MAK: variants seen among roughly 807,000 people sequenced by gnomAD.
MAK encodes male germ cell associated kinase.
A neutral mutation model predicts 82.6 loss-of-function variants in MAK; 65 were observed. The observed-to-expected ratio is 0.79, with a 90% CI of 0.64 to 0.97. MAK has a LOEUF of 0.97. Among genes scored for constraint, MAK ranks in the 50% least tolerant of loss-of-function variants. MAK has a pLI of 0.00. For missense variants in MAK, 703 were observed against 780.2 expected (o/e 0.90, Z 1.18); for synonymous variants, 250 against 274.2 (o/e 0.91, Z 0.87).
chr6:10,773,130 A>G, intron 12 of MAK, 22 bp from the exon 13 acceptor site: 1 of 1,278,288 alleles, frequency 7.8e-7, no homozygotes, highest in Non-Finnish European at 1.1e-6. Context: ...ACAGATGGAA[A>G]GAAAGAATAA....
At position 10,832,236 on chromosome 6, in the gene MAK, C is replaced by T. The variant is rs114399585; in HGVS notation, c.-229-1359G>A. On this transcript the variant is annotated intron_variant, in intron 1 of 14. Transcript: ENST00000354489. Reference sequence around the variant, plus strand: ...CCTGGCCTCAGCGATCCGCCCGCCTCGGCGGGATTACAGGCATGAACCAGT... The same window carrying T: ...CCTGGCCTCAGCGATCCGCCCGCCTTGGCGGGATTACAGGCATGAACCAGT... Among the ~76,000 whole-genome samples, 1,481 of 152,282 alleles carry T rather than the reference C, an allele frequency of 9.7e-3. 26 individuals are homozygous for T. The highest frequency in any genetic ancestry group is 0.034 in the African/African-American group (1,404 of 41,570).
At chr6:10,809,584 T>G (rs1289186797) in intron 5 of MAK, among the ~76,000 whole-genome samples, 1 of 152,210 alleles carries the variant, frequency 6.6e-6, no homozygotes, top group Non-Finnish European at 1.5e-5. Flanking sequence ...TGCAGCTGAC[T>G]TCTTGAGAAA....
intron 8 of MAK, among the ~76,000 whole-genome samples, chr6:10,801,110 C>G (rs1485832995): frequency 6.6e-6 from 1 of 152,110 alleles, no homozygotes; most frequent in African/African-American, 2.4e-5. Context: ...GGCAAGCTGT[C>G]CATCCCTATC....
In MAK at chr6:10,793,230, G is replaced by A. The variant is rs139958181; in HGVS notation, c.1144-1383C>T. On this transcript the variant is annotated intron_variant, in intron 9 of 14. Coordinates refer to ENST00000354489, the MANE Select transcript of MAK (RefSeq NM_001242957.3). This position sits in a 1 kb window ranked among gnomAD's most constrained non-coding sequence, Gnocchi z 4.6. Reference sequence around the variant, plus strand: ...AAAAGGCAAACAATGAATTCATTCAGTGTAGTGTATGTGGACTTCAGCCCA... The same window carrying A: ...AAAAGGCAAACAATGAATTCATTCAATGTAGTGTATGTGGACTTCAGCCCA... Among the ~76,000 whole-genome samples the A allele has an allele frequency of 2.6e-4, 39 of 152,306 alleles. No individual in the cohort carries two copies. The highest frequency in any genetic ancestry group is 7.0e-4 in the African/African-American group (29 of 41,562).
chr6:10,783,828 G>A lies in MAK; in HGVS notation c.1465+596C>T, dbSNP rs529279018. Among the ~76,000 whole-genome samples the A allele has an allele frequency of 5.3e-3, 807 of 152,236 alleles. 8 individuals are homozygous for A. The highest frequency in any genetic ancestry group is 0.017 in the African/African-American group (726 of 41,526). ...AAGGTCAGGAGATCGAGACCATCCC[G>A]GCTAACACGGTGAAACACCATCTCT... On this transcript the variant is annotated intron_variant, in intron 11 of 14. Transcript: ENST00000354489.
At chr6:10,806,788 G>A (rs1581721837) in intron 6 of MAK, among the ~76,000 whole-genome samples, 7 of 151,906 alleles carry the variant, frequency 4.6e-5, no homozygotes, top group African/African-American at 2.4e-5. Flanking sequence ...CACCACGCCC[G>A]GCCTGACCTT....
chr6:10,813,114 A>T (rs1479376230), intron 5 of MAK, among the ~76,000 whole-genome samples: 636 of 6,092 alleles, frequency 0.1, 144 homozygotes, highest in Non-Finnish European at 0.31. Context: ...ATATATATAT[A>T]TATATATATA....
chr6:10,810,115 A>G (rs1333300272), intron 5 of MAK, among the ~76,000 whole-genome samples: 19 of 30,508 alleles, frequency 6.2e-4, no homozygotes, highest in East Asian at 2.1e-3. Flanking sequence ...AAAAAAAAAA[A>G]GAAAGAAAAG....
intron 2 of MAK, 53 bp from the exon 3 acceptor site, chr6:10,818,993 C>T: frequency 2.1e-6 from 2 of 964,412 alleles, no homozygotes; most frequent in East Asian, 2.4e-5. Context: ...TTCAAAGACA[C>T]ACATTACACT....
At chr6:10,801,151 A>ATCTG (rs1775987661) in intron 8 of MAK, among the ~76,000 whole-genome samples, 2 of 152,266 alleles carry the variant, frequency 1.3e-5, no homozygotes, top group Non-Finnish European at 2.9e-5. Context: ...TCTTGTTTTA[A>ATCTG]CATATCTTGA....
At position 10,776,191 on chromosome 6, in the gene MAK, T is replaced by C. The variant is rs181592755; in HGVS notation, c.1466-732A>G. Among the ~76,000 whole-genome samples the C allele has an allele frequency of 6.6e-6, 1 of 152,322 alleles. No individual in the cohort carries two copies. Among genetic ancestry groups the C allele is most frequent in the Admixed American group, 6.5e-5 (1 of 15,296 alleles). On this transcript the variant is annotated intron_variant, in intron 11 of 14. Coordinates refer to ENST00000354489, the MANE Select transcript of MAK (RefSeq NM_001242957.3). This position sits in a 1 kb window ranked among gnomAD's most constrained non-coding sequence, Gnocchi z 4.3. ...GTGACTAAGAACTCAGGAAAACCTTTGAAGTTCGGAGGTATGAAGCTCCAC... is the reference window on the plus strand; with the variant it reads ...GTGACTAAGAACTCAGGAAAACCTTCGAAGTTCGGAGGTATGAAGCTCCAC...
rs1209565643 is a variant in MAK at position 10,763,896 on chromosome 6, G to A, written c.*556C>T. 1 of 150,404 alleles carries A rather than the reference G, an allele frequency of 6.6e-6. No homozygotes were observed. Among genetic ancestry groups the A allele is most frequent in the Admixed American group, 6.6e-5 (1 of 15,060 alleles). 9.3% of individuals were successfully genotyped at this position (150,404 alleles called of 1,614,324 possible). A position where few individuals can be genotyped will look rare whatever the true frequency, so the allele number is the denominator to read the frequency against. On this transcript the variant is annotated 3_prime_UTR_variant, in exon 15 of 15. Coordinates refer to ENST00000354489, the MANE Select transcript of MAK (RefSeq NM_001242957.3). ...CCTGCTCAAGATTGAAATTACCATC[G>A]CTCCCATAGCTTCAAAGTAGAAAAA...
intron 2 of MAK, among the ~76,000 whole-genome samples, chr6:10,820,754 T>C (rs926921475): frequency 2.0e-5 from 3 of 152,214 alleles, no homozygotes; most frequent in African/African-American, 7.2e-5. Flanking sequence ...GGGGGTTTAC[T>C]AGCTTATTAA....
intron 4 of MAK, among the ~76,000 whole-genome samples, chr6:10,815,912 G>GTGTATGTATATATATATATATATATATA (rs1554184483): frequency 9.2e-6 from 1 of 108,322 alleles, no homozygotes; most frequent in African/African-American, 4.6e-5. Context: ...GCTTTATACA[G>GTGTATGTATATATATATATATATATATA]TATATATATA....
chr6:10,772,308 C>T (rs1284281442), intron 13 of MAK, among the ~76,000 whole-genome samples: 1 of 151,922 alleles, frequency 6.6e-6, no homozygotes, highest in Non-Finnish European at 1.5e-5. Context: ...GGAAATCCAC[C>T]ATCTCTATTA....
intron 10 of MAK, among the ~76,000 whole-genome samples, chr6:10,787,766 C>T (rs1191823254): frequency 1.3e-5 from 2 of 150,882 alleles, no homozygotes; most frequent in Non-Finnish European, 2.9e-5. Flanking sequence ...GAGGCTGAGG[C>T]AGGAGAATGG....
chr6:10,814,321 T>G (rs1236879594), intron 4 of MAK, among the ~76,000 whole-genome samples: 1 of 152,084 alleles, frequency 6.6e-6, no homozygotes, highest in Non-Finnish European at 1.5e-5. Context: ...GTTGAAAAAC[T>G]GAATTACTAA....
chr6:10,817,308 G>A (rs930385188), intron 4 of MAK, among the ~76,000 whole-genome samples: 1 of 152,146 alleles, frequency 6.6e-6, no homozygotes, highest in Admixed American at 6.6e-5. Flanking sequence ...ATCTCCCCAA[G>A]CCCAGGGCGG....
chr6:10,783,955 G>C (rs373244758), intron 11 of MAK, among the ~76,000 whole-genome samples: 13 of 152,228 alleles, frequency 8.5e-5, no homozygotes, highest in South Asian at 8.3e-4. Flanking sequence ...GGAGGTGGAG[G>C]TTGCAGTGAG....
Sources: gnomAD v4.1 joint callset for allele counts (sites outside exome capture counted in the v4.1 genomes callset) on GRCh38, gnomAD v4.1.1 for gene constraint, Gnocchi (gnomAD v3.1) non-coding constraint, MANE v1.5 for transcripts, NCBI Gene and HGNC (gene_info 2026-07-23, HGNC 2026-07-21) for gene names.